NCOA3: variants seen among roughly 807,000 people sequenced by gnomAD.
The protein encoded by NCOA3 is CBP-interacting protein.
A neutral mutation model predicts 158.8 loss-of-function variants in NCOA3; 51 were observed. The ratio of observed to expected loss-of-function variants is 0.32; its 90% CI spans 0.26 to 0.41. NCOA3 has a LOEUF of 0.41. Among genes scored for constraint, NCOA3 ranks in the 10% least tolerant of loss-of-function variants. The pLI, the probability that NCOA3 is intolerant of heterozygous loss-of-function variation, is 1.00. For missense variants in NCOA3, 1,510 were observed against 1,746.6 expected (o/e 0.86, Z 2.41); for synonymous variants, 537 against 592.4 (o/e 0.91, Z 1.36).
intron 1 of NCOA3, among the ~76,000 whole-genome samples, chr20:47,519,701 G>A (rs1373706155): frequency 2.0e-5 from 3 of 152,148 alleles, no homozygotes; most frequent in African/African-American, 7.2e-5. Context: ...GCCCACTTGG[G>A]AGGATTGCCT....
intron 1 of NCOA3, among the ~76,000 whole-genome samples, chr20:47,503,962 G>A: frequency 6.6e-6 from 1 of 152,162 alleles, no homozygotes; most frequent in Non-Finnish European, 1.5e-5. Context: ...GCATATACCA[G>A]CTTTTGGCAT....
intron 1 of NCOA3, among the ~76,000 whole-genome samples, chr20:47,510,202 A>G (rs1702366643): frequency 6.6e-6 from 1 of 152,016 alleles, no homozygotes; most frequent in Admixed American, 6.6e-5. Flanking sequence ...GGAGGCCAAG[A>G]TGAGTGGATC....
chr20:47,606,242 G>A (rs572101776), intron 2 of NCOA3, among the ~76,000 whole-genome samples: 6 of 152,328 alleles, frequency 3.9e-5, no homozygotes, highest in South Asian at 2.1e-4. Flanking sequence ...GGCTCTCAAC[G>A]TGTGGTGCGT....
At chr20:47,603,608 G>T (rs1172516149) in intron 2 of NCOA3, among the ~76,000 whole-genome samples, 1 of 152,268 alleles carries the variant, frequency 6.6e-6, no homozygotes, top group Non-Finnish European at 1.5e-5. Flanking sequence ...GATGGTGAAT[G>T]TGGGGATTTT....
At chr20:47,567,501 A>T (rs1424893574) in intron 1 of NCOA3, among the ~76,000 whole-genome samples, 2 of 152,030 alleles carry the variant, frequency 1.3e-5, no homozygotes, top group Non-Finnish European at 1.5e-5. Context: ...TCCTGGGCTC[A>T]AGTGATCCTC....
chr20:47,526,596 CA>C (rs1303760258), intron 1 of NCOA3, among the ~76,000 whole-genome samples: 1 of 152,288 alleles, frequency 6.6e-6, no homozygotes, highest in African/African-American at 2.4e-5. Context: ...CCGTCTCCAC[CA>C]AAAAAATACG....
chr20:47,596,931 T>A (rs151137609), intron 2 of NCOA3, among the ~76,000 whole-genome samples: 8 of 152,356 alleles, frequency 5.3e-5, no homozygotes, highest in African/African-American at 1.7e-4. Context: ...ACATTGTTTC[T>A]TGTTTTATTA....
chr20:47,617,337 A>G (rs886901621), intron 2 of NCOA3, among the ~76,000 whole-genome samples: 2 of 152,224 alleles, frequency 1.3e-5, no homozygotes, highest in African/African-American at 4.8e-5. Flanking sequence ...TATCAACTAC[A>G]TATATTCTCC....
intron 1 of NCOA3, among the ~76,000 whole-genome samples, chr20:47,504,136 A>C: frequency 6.6e-6 from 1 of 152,226 alleles, no homozygotes; most frequent in African/African-American, 2.4e-5. Context: ...TGGTTGTTTT[A>C]ACAGCTTGCC....
chr20:47,509,973 C>T (rs542680097), intron 1 of NCOA3, among the ~76,000 whole-genome samples: 1 of 152,230 alleles, frequency 6.6e-6, no homozygotes, highest in South Asian at 2.1e-4. Flanking sequence ...GGAAAATCTA[C>T]CAGTGAAGAA....
chr20:47,538,417 C>T (rs1475603161), intron 1 of NCOA3, among the ~76,000 whole-genome samples: 1 of 152,100 alleles, frequency 6.6e-6, no homozygotes, highest in Non-Finnish European at 1.5e-5. Context: ...TCTGATGTTC[C>T]AGTCTGTAAC....
intron 2 of NCOA3, among the ~76,000 whole-genome samples, chr20:47,587,801 T>A (rs1424015499): frequency 1.1e-4 from 16 of 152,206 alleles, no homozygotes; most frequent in Non-Finnish European, 2.9e-5. Flanking sequence ...CATATACATA[T>A]TTTAGAAATC....
chr20:47,642,154 T>C, intron 16 of NCOA3, 59 bp from the exon 17 acceptor site: 1 of 1,268,952 alleles, frequency 7.9e-7, no homozygotes, highest in Non-Finnish European at 1.1e-6. Flanking sequence ...GTTGCTGTGA[T>C]CTATTACTCT....
intron 10 of NCOA3, among the ~76,000 whole-genome samples, 184 bp downstream of exon 10, chr20:47,634,379 ATTAT>A (rs995217913): frequency 3.3e-5 from 5 of 152,290 alleles, no homozygotes; most frequent in African/African-American, 9.6e-5. Flanking sequence ...TGTGAAAGTG[ATTAT>A]TTATTAAATA....
chr20:47,531,816 CT>C (rs1294051346), intron 1 of NCOA3, among the ~76,000 whole-genome samples: 1 of 151,274 alleles, frequency 6.6e-6, no homozygotes, highest in Admixed American at 6.6e-5. Context: ...AGGTCCCTCA[CT>C]TTTTCTGGTT....
intron 1 of NCOA3, among the ~76,000 whole-genome samples, chr20:47,555,885 G>A (rs1363395675): frequency 1.3e-5 from 2 of 149,278 alleles, no homozygotes; most frequent in East Asian, 2.0e-4. Context: ...CTCATGATCC[G>A]CCAGCCTCGG....
In NCOA3 at chr20:47,634,066, C is replaced by T. The variant is rs2086466456; in HGVS notation, c.983C>T (p.Ala328Val). The T allele has an allele frequency of 6.2e-7, 1 of 1,613,952 alleles. No individual in the cohort carries two copies. The highest frequency in any genetic ancestry group is 1.7e-5 in the Admixed American group (1 of 59,986). ...CCAACAGCTTATCTTAATGGCCATG[C>T]AGAAACCCCAGTATATCGATTCTCG... ...HYQEAYLNGH[A>V]ETPVYRFSLA... is the part of the protein sequence containing the mutation. Residue 328 changes from alanine to valine, a missense_variant, in exon 10 of 23, where the codon GCA becomes GTA. Physicochemically the swap from Ala to Val is moderately conservative, Grantham distance 64 (BLOSUM62 0). Around this residue, in one of 4 missense-constraint regions of NCOA3, gnomAD observed 309 missense variants for 427.1 expected, o/e 0.72. Coordinates refer to ENST00000371998, the MANE Select transcript of NCOA3 (RefSeq NM_181659.3).
rs769552316 is a variant in NCOA3 at position 47,623,949 on chromosome 20, A to T, written c.122A>T (p.Glu41Val). Residue 41 changes from glutamate to valine, a missense_variant, in exon 4 of 23, where the codon GAA (glutamate) becomes GTA (valine). Physicochemically the swap from Glu to Val is moderately radical, Grantham distance 121. Coordinates refer to ENST00000371998, the MANE Select transcript of NCOA3 (RefSeq NM_181659.3). ...GGTGAAAAACGGAGACGGGAGCAGG[A>T]AAGTAAATATATTGAAGAATTGGCT... ...CSGEKRRREQESKYIEELAEL... is the reference protein window; with the variant it reads ...CSGEKRRREQVSKYIEELAEL... 7 of 1,613,640 alleles carry T rather than the reference A, an allele frequency of 4.3e-6. No individual in the cohort carries two copies. Among genetic ancestry groups the T allele is most frequent in the Non-Finnish European group, 5.1e-6 (6 of 1,179,908 alleles).
chr20:47,607,704 C>CTT (rs1278650375), intron 2 of NCOA3, among the ~76,000 whole-genome samples: 1 of 151,932 alleles, frequency 6.6e-6, no homozygotes, highest in African/African-American at 2.4e-5. Flanking sequence ...TTTTTCTCTC[C>CTT]TATAAAACTC....
Sources: gnomAD v4.1 joint callset for allele counts (sites outside exome capture counted in the v4.1 genomes callset) on GRCh38, gnomAD v4.1.1 for gene constraint, gnomAD v4.1.1 regional missense constraint, MANE v1.5 for transcripts, NCBI Gene and HGNC (gene_info 2026-07-23, HGNC 2026-07-21) for gene names.